The following TMPPE variants were observed in gnomAD, a reference collection of about 807,000 sequenced individuals.
The protein encoded by TMPPE is transmembrane protein with metallophosphoesterase domain.
A neutral mutation model predicts 22.6 loss-of-function variants in TMPPE; 16 were observed. The ratio of observed to expected loss-of-function variants is 0.71; its 90% CI spans 0.48 to 1.08. The LOEUF (loss-of-function observed/expected upper bound fraction) is 1.08. TMPPE is among the 50% of genes least tolerant of loss of function. The probability of loss-of-function intolerance (pLI) is 0.00; values close to 1 mark genes in which losing one functional copy is unlikely to be tolerated. For missense variants in TMPPE, 526 were observed against 584.3 expected, an observed-to-expected ratio of 0.90 and a Z score of 1.03; for synonymous variants, 240 against 245.3, an observed-to-expected ratio of 0.98 and a Z score of 0.20.
At position 33,092,989 on chromosome 3, in the gene TMPPE, C is replaced by G; in HGVS notation, c.1207G>C (p.Ala403Pro). Reference protein sequence around the residue: ...HAGQIFPLNVAAYLLNPFFAG... With the variant: ...HAGQIFPLNVPAYLLNPFFAG... ...AAGAAGGGATTCAGGAGATAGGCTG[C>G]TACGTTCAAGGGGAAGATCTGCCCA... Residue 403 changes from alanine (A) to proline (P), a missense_variant, in exon 2 of 2, where the codon GCA becomes CCA. Physicochemically the swap from Ala to Pro is conservative, Grantham distance 27. Transcript: ENST00000342462. 1 of 1,614,210 alleles carries G rather than the reference C, an allele frequency of 6.2e-7. No individual in the cohort carries two copies. Among genetic ancestry groups the G allele is most frequent in the Non-Finnish European group, 8.5e-7 (1 of 1,180,038 alleles).
In TMPPE at chr3:33,091,762, A is replaced by AGC. The variant is rs1700773484; in HGVS notation, c.*1071_*1072insGC. 1.0e-6 allele frequency: 1 copy of AGC among 984,966 alleles called. No individual in the cohort carries two copies. The highest frequency in any genetic ancestry group is 1.2e-6 in the Non-Finnish European group (1 of 829,910). The allele number at this position is 984,966 out of a possible 1,614,324, so 61.0% of individuals were successfully genotyped here. A position where few individuals can be genotyped will look rare whatever the true frequency, so the allele number is the denominator to read the frequency against. On this transcript the variant is annotated 3_prime_UTR_variant, in exon 2 of 2. Coordinates refer to ENST00000342462, the MANE Select transcript of TMPPE (RefSeq NM_001039770.3). ...CTCTCCAGTCAGAGCGAGTGTCTTC[A>AGC]CTCCCCATTGGAGGAAGACTTTCCA...
At position 33,092,700 on chromosome 3, in the gene TMPPE, T is replaced by C; in HGVS notation, c.*134A>G. ...GGCCCACCATAAGTCACTGTTTGAG[T>C]CAGGCTTGTGACCAAGGGTGTGTAG... On this transcript the variant is annotated 3_prime_UTR_variant, in exon 2 of 2. Coordinates refer to ENST00000342462, the MANE Select transcript of TMPPE (RefSeq NM_001039770.3). The C allele has an allele frequency of 6.9e-7, 1 of 1,445,498 alleles. No individual in the cohort carries two copies. Among genetic ancestry groups the C allele is most frequent in the Non-Finnish European group, 9.1e-7 (1 of 1,101,598 alleles). 89.5% of individuals were successfully genotyped at this position (1,445,498 alleles called of 1,614,324 possible).
rs550698466 is a variant in TMPPE at position 33,090,489 on chromosome 3, A to G, written c.*2345T>C. ...GACAGCATCATATACTACAGACACTATTGCTGATTTTCAAAAAGCATTGCA... is the reference window on the plus strand; with the variant it reads ...GACAGCATCATATACTACAGACACTGTTGCTGATTTTCAAAAAGCATTGCA... On this transcript the variant is annotated 3_prime_UTR_variant, in exon 2 of 2. Coordinates refer to ENST00000342462, the MANE Select transcript of TMPPE (RefSeq NM_001039770.3). 25 of 985,430 alleles carry G rather than the reference A, an allele frequency of 2.5e-5. No individual in the cohort carries two copies. The East Asian group carries it at 2.5e-3, about 98-fold the overall frequency. The allele number at this position is 985,430 out of a possible 1,614,324, so 61.0% of individuals were successfully genotyped here. A position where few individuals can be genotyped will look rare whatever the true frequency, so the allele number is the denominator to read the frequency against.
In TMPPE at chr3:33,093,419, G is replaced by A. The variant is rs367832132; in HGVS notation, c.777C>T (p.Val259=). ...DSEASVLRTA[V]APLGQLHSHL... ...GTGAATGAAGCTGGCCCAGAGGAGC[G>A]ACAGCCGTCCGCAGGACCGAGGCTT... The change falls in exon 2 of 2, where the codon GTC becomes GTT. Residue 259 remains valine, a synonymous_variant. Transcript: ENST00000342462. This position sits in a 1 kb window ranked among gnomAD's most constrained non-coding sequence, Gnocchi z 6.0. 34 of 1,613,964 alleles carry A rather than the reference G, an allele frequency of 2.1e-5. No homozygotes were observed. The highest frequency in any genetic ancestry group is 5.0e-5 in the Admixed American group (3 of 59,976).
chr3:33,096,761 C>T lies in TMPPE; in HGVS notation c.-151G>A. 4 of 1,318,792 alleles carry T rather than the reference C, an allele frequency of 3.0e-6. No individual in the cohort carries two copies. The highest frequency in any genetic ancestry group is 3.9e-6 in the Non-Finnish European group (4 of 1,038,294). 81.7% of individuals were successfully genotyped at this position (1,318,792 alleles called of 1,614,324 possible). ...TTACAGATGGGGAAGTGGATCCAAG[C>T]GCAAAGGGCGGCCGGAGCGGAACGC... is the stretch of plus-strand genomic sequence containing the variant. On this transcript the variant is annotated 5_prime_UTR_variant, in exon 1 of 2. Coordinates refer to ENST00000342462, the MANE Select transcript of TMPPE (RefSeq NM_001039770.3).
In TMPPE at chr3:33,096,713, A is replaced by G. The variant is rs1240568073; in HGVS notation, c.-109+6T>C. On this transcript the variant is annotated splice_donor_region_variant and intron_variant, in intron 1 of 1. Coordinates refer to ENST00000342462, the MANE Select transcript of TMPPE (RefSeq NM_001039770.3). ...GAAAGCCAACTTAGGAAATGTTTACACGCACCTCGTCTCAACACCTCGTTA... is the reference window on the plus strand; with the variant it reads ...GAAAGCCAACTTAGGAAATGTTTACGCGCACCTCGTCTCAACACCTCGTTA... 5 of 1,228,642 alleles carry G rather than the reference A, an allele frequency of 4.1e-6. No individual in the cohort carries two copies. The highest frequency in any genetic ancestry group is 4.1e-5 in the East Asian group (1 of 24,186). The allele number at this position is 1,228,642 out of a possible 1,614,324, so 76.1% of individuals were successfully genotyped here.
Position 33,091,204 on chromosome 3 carries a change from C to T in TMPPE, c.*1630G>A, listed in dbSNP as rs1700744252. 1.0e-6 allele frequency: 1 copy of T among 985,262 alleles called. No homozygotes were observed. Among genetic ancestry groups the T allele is most frequent in the Admixed American group, 6.2e-5 (1 of 16,252 alleles). The allele number at this position is 985,262 out of a possible 1,614,324, so 61.0% of individuals were successfully genotyped here. A position where few individuals can be genotyped will look rare whatever the true frequency, so the allele number is the denominator to read the frequency against. On this transcript the variant is annotated 3_prime_UTR_variant, in exon 2 of 2. Coordinates refer to ENST00000342462, the MANE Select transcript of TMPPE (RefSeq NM_001039770.3). ...AAGAGAGAAAAAAGAATAAGGAAACCACCAAAATTTCAACTCAAAGATACA... is the reference window on the plus strand; with the variant it reads ...AAGAGAGAAAAAAGAATAAGGAAACTACCAAAATTTCAACTCAAAGATACA...
In TMPPE at chr3:33,093,758, G is replaced by A. The variant is rs1158328076; in HGVS notation, c.438C>T (p.Ala146=). 2 of 1,613,738 alleles carry A rather than the reference G, an allele frequency of 1.2e-6. No homozygotes were observed. Among genetic ancestry groups the A allele is most frequent in the African/African-American group, 1.3e-5 (1 of 75,040 alleles). Residue 146 remains alanine, a synonymous_variant, in exon 2 of 2, where the codon GCC becomes GCT. Transcript: ENST00000342462. The surrounding 1 kb of genome is among the most constrained non-coding windows in gnomAD (Gnocchi z 6.0). The part of the protein sequence containing the change: ...SGMEQAYQLL[A]WRSGRVVGSL... Reference sequence around the variant, plus strand: ...TGCCCACGACCCTACCACTGCGCCAGGCCAAGAGCTGGTAGGCCTGCTCCA... The same window carrying A: ...TGCCCACGACCCTACCACTGCGCCAAGCCAAGAGCTGGTAGGCCTGCTCCA...
In TMPPE at chr3:33,092,798, C is replaced by A; in HGVS notation, c.*36G>T. 1 of 1,548,584 alleles carries A rather than the reference C, an allele frequency of 6.5e-7. No individual in the cohort carries two copies. Among genetic ancestry groups the A allele is most frequent in the South Asian group, 1.2e-5 (1 of 81,294 alleles). On this transcript the variant is annotated 3_prime_UTR_variant, in exon 2 of 2. Coordinates refer to ENST00000342462, the MANE Select transcript of TMPPE (RefSeq NM_001039770.3). ...CTGAAGCAGGATGGAGGGTCGAGGA[C>A]AAGGGCAGGGCAGAGGTGCACAGGG...
chr3:33,094,418 T>C, intron 1 of TMPPE, 115 bp from the exon 2 acceptor site: 1 of 1,209,172 alleles, frequency 8.3e-7, no homozygotes, highest in Non-Finnish European at 1.1e-6. Context: ...GCTACTCAAA[T>C]ACCAGTCAGT....
At position 33,094,833 on chromosome 3, in the gene TMPPE, T is replaced by C. The variant is rs989707045; in HGVS notation, c.-108-530A>G. Among the ~76,000 whole-genome samples, 3 of 152,306 alleles carry C rather than the reference T, an allele frequency of 2.0e-5. No homozygotes were observed. In the East Asian group the frequency reaches 5.8e-4, roughly 29 times the overall value. ...ACAGTGCAACTCTTCACCCTAAAAT[T>C]TGGGGAGAAATACTATTGTTTTTCA... On this transcript the variant is annotated intron_variant, in intron 1 of 1. Coordinates refer to ENST00000342462, the MANE Select transcript of TMPPE (RefSeq NM_001039770.3).
At position 33,090,536 on chromosome 3, in the gene TMPPE, T is replaced by C; in HGVS notation, c.*2298A>G. 5.1e-6 allele frequency: 5 copies of C among 985,346 alleles called. No individual in the cohort carries two copies. The highest frequency in any genetic ancestry group is 6.0e-6 in the Non-Finnish European group (5 of 829,928). 61.0% of individuals were successfully genotyped at this position (985,346 alleles called of 1,614,324 possible). A position where few individuals can be genotyped will look rare whatever the true frequency, so the allele number is the denominator to read the frequency against. ...TGCATTTCAATTTGCATCTAACAGA[T>C]TAAAAATAAAGAAACAAATGAAATT... On this transcript the variant is annotated 3_prime_UTR_variant, in exon 2 of 2. Coordinates refer to ENST00000342462, the MANE Select transcript of TMPPE (RefSeq NM_001039770.3).
chr3:33,096,716 C>T lies in TMPPE; in HGVS notation c.-109+3G>A. ...AGCCAACTTAGGAAATGTTTACACG[C>T]ACCTCGTCTCAACACCTCGTTACAG... On this transcript the variant is annotated splice_donor_region_variant and intron_variant, in intron 1 of 1. Coordinates refer to ENST00000342462, the MANE Select transcript of TMPPE (RefSeq NM_001039770.3). 1 of 1,241,484 alleles carries T rather than the reference C, an allele frequency of 8.1e-7. No homozygotes were observed. The highest frequency in any genetic ancestry group is 1.0e-6 in the Non-Finnish European group (1 of 991,474). 76.9% of individuals were successfully genotyped at this position (1,241,484 alleles called of 1,614,324 possible).
Position 33,093,205 on chromosome 3 carries a change from A to C in TMPPE, c.991T>G (p.Leu331Val), listed in dbSNP as rs759778930. The change falls in exon 2 of 2, where the codon TTG becomes GTG. Residue 331 changes from leucine to valine, a missense_variant. Physicochemically the swap from Leu to Val is conservative, Grantham distance 32. Coordinates refer to ENST00000342462, the MANE Select transcript of TMPPE (RefSeq NM_001039770.3). The surrounding 1 kb of genome is among the most constrained non-coding windows in gnomAD (Gnocchi z 6.0). ...GCTTCAATATCGTCCACCCCAGCCA[A>C]GCAGATCCAGTCCTCATCCTCACTC... ...SGSEDEDWIC[L>V]AGVDDIEADI... is the part of the protein sequence containing the mutation. 3.1e-6 allele frequency: 5 copies of C among 1,613,852 alleles called. No individual in the cohort carries two copies. In the East Asian group the frequency reaches 8.9e-5, roughly 29 times the overall value.
chr3:33,094,353 T>C lies in TMPPE; in HGVS notation c.-108-50A>G, dbSNP rs1700912504. The C allele has an allele frequency of 3.6e-6, 5 of 1,402,138 alleles. No individual in the cohort carries two copies. The South Asian group carries it at 7.5e-5, about 21-fold the overall frequency. 86.9% of individuals were successfully genotyped at this position (1,402,138 alleles called of 1,614,324 possible). A position where few individuals can be genotyped will look rare whatever the true frequency, so the allele number is the denominator to read the frequency against. On this transcript the variant is annotated intron_variant, in intron 1 of 1. Transcript: ENST00000342462. ...TTTGTGGGATATTAGAGTGTCCTTG[T>C]ACCCATTCAAAACTCAAAGGCCACT...
chr3:33,092,937 G>A lies in TMPPE; in HGVS notation c.1259C>T (p.Ala420Val), dbSNP rs879093456. The stretch of plus-strand genomic sequence containing the variant: ...GCCTGGGCTGACATACACGAATGTA[G>A]CCTGGGCCACCTGGTAGAGACCAGC... ...FFAGLYQVAQ[A>V]TFVYVSPGTA... The change falls in exon 2 of 2, where the codon GCT becomes GTT. Residue 420 changes from alanine (A) to valine (V), a missense_variant. Ala to Val is a moderately conservative substitution (Grantham distance 64). Transcript: ENST00000342462. 1.2e-6 allele frequency: 2 copies of A among 1,614,210 alleles called. No homozygotes were observed. Among genetic ancestry groups the A allele is most frequent in the South Asian group, 2.2e-5 (2 of 91,088 alleles).
Position 33,091,968 on chromosome 3 carries a change from CAT to C in TMPPE, c.*864_*865del. Reference sequence around the variant, plus strand: ...CTGGTTTCTAGCCCCAAATCTCCTACATATCTTGTCATACTGCCTGTGCCCTA... The same window carrying C: ...CTGGTTTCTAGCCCCAAATCTCCTACATCTTGTCATACTGCCTGTGCCCTA... On this transcript the variant is annotated 3_prime_UTR_variant, in exon 2 of 2. Coordinates refer to ENST00000342462, the MANE Select transcript of TMPPE (RefSeq NM_001039770.3). The C allele has an allele frequency of 1.0e-6, 1 of 984,340 alleles. No homozygotes were observed. Among genetic ancestry groups the C allele is most frequent in the Non-Finnish European group, 1.2e-6 (1 of 828,890 alleles). 61.0% of individuals were successfully genotyped at this position (984,340 alleles called of 1,614,324 possible).
In TMPPE at chr3:33,092,863, T is replaced by C; in HGVS notation, c.1333A>G (p.Thr445Ala). Residue 445 changes from threonine (T) to alanine (A), a missense_variant, in exon 2 of 2, where the codon ACA becomes GCA. Thr to Ala is a moderately conservative substitution (Grantham distance 58). Coordinates refer to ENST00000342462, the MANE Select transcript of TMPPE (RefSeq NM_001039770.3). ...GGAGACCGCTGCAGGATGAGCTCTG[T>C]GATCTCGGCCCTGCTACCCAGCCTC... ...PMRLGSRAEITELILQRSP is the reference protein window; with the variant it reads ...PMRLGSRAEIAELILQRSP 6.2e-7 allele frequency: 1 copy of C among 1,610,746 alleles called. No homozygotes were observed. Among genetic ancestry groups the C allele is most frequent in the Non-Finnish European group, 8.5e-7 (1 of 1,177,978 alleles).
At chr3:33,095,766 C>A (rs1346164581) in intron 1 of TMPPE, among the ~76,000 whole-genome samples, 1 of 152,174 alleles carries the variant, frequency 6.6e-6, no homozygotes, top group Non-Finnish European at 1.5e-5. Flanking sequence ...TAGCCCCTTA[C>A]CCTGCCACTG....
Sources: allele counts gnomAD v4.1 joint callset (sites outside exome capture counted in the v4.1 genomes callset), GRCh38; gene constraint gnomAD v4.1.1; non-coding constraint Gnocchi (gnomAD v3.1); transcripts MANE v1.5; gene names NCBI Gene and HGNC (gene_info 2026-07-23, HGNC 2026-07-21).